Variants in SHISA3 observed in about 807,000 individuals in gnomAD.
SHISA3 encodes protein shisa-3 homolog.
Under a neutral mutation model 19.2 loss-of-function variants are expected in SHISA3, and 15 were observed. That is an observed-to-expected ratio of 0.78 (90% CI 0.52 to 1.20). The LOEUF (loss-of-function observed/expected upper bound fraction) is 1.20. Ranked by LOEUF, SHISA3 falls within the 50% of genes most tolerant of loss-of-function variation. The pLI, the probability that SHISA3 is intolerant of heterozygous loss-of-function variation, is 0.00. For missense variants in SHISA3, 327 were observed against 315.7 expected (o/e 1.04, Z -0.27); for synonymous variants, 145 against 135.2 (o/e 1.07, Z -0.50).
rs886776701 is a variant in SHISA3, at chr4:42,398,458, C to T, written c.277+125C>T. The T allele has an allele frequency of 1.6e-5, 17 of 1,080,546 alleles. No homozygotes were observed. In the African/African-American group the frequency reaches 2.1e-4, roughly 13 times the overall value. The allele number at this position is 1,080,546 out of a possible 1,614,324, so 66.9% of individuals were successfully genotyped here. On this transcript the variant is annotated intron_variant, in intron 1 of 1. Transcript: ENST00000319234. ...TTCCTGGGTCTGTGCGCCAGGGGGA[C>T]GCGGCCGGGTGGGGGAATCAAGGGA...
Position 42,398,286 on chromosome 4 carries a change from G to A in SHISA3, c.230G>A (p.Gly77Asp). The A allele has an allele frequency of 6.4e-7, 1 of 1,564,742 alleles. No individual in the cohort carries two copies. The change falls in exon 1 of 2, where the codon GGC becomes GAC. Residue 77 changes from glycine (G) to aspartate (D), a missense_variant. Gly to Asp is a moderately conservative substitution (Grantham distance 94, BLOSUM62 -1). Transcript: ENST00000319234. The part of the protein sequence containing the change: ...AAADARLEQG[G>D]CTNDRRELEH... ...GCCGACGCCAGGCTGGAGCAGGGCG[G>A]CTGCACCAACGACCGCCGCGAACTG...
At chr4:42,398,424 C>G in intron 1 of SHISA3, 91 bp downstream of exon 1, 1 of 1,325,988 alleles carries the variant, frequency 7.5e-7, no homozygotes, top group Non-Finnish European at 9.9e-7. Flanking sequence ...CCAGGCAGGT[C>G]TATGCGCCTT....
Position 42,401,270 on chromosome 4 carries a change from C to A in SHISA3, c.536C>A (p.Ser179Tyr), listed in dbSNP as rs267600159. 6.2e-7 allele frequency: 1 copy of A among 1,614,084 alleles called. No homozygotes were observed. Among genetic ancestry groups the A allele is most frequent in the African/African-American group, 1.3e-5 (1 of 74,942 alleles). Reference sequence around the variant, plus strand: ...ACAGGCGGCTCCATCCGCAGGTTCTCCTTTGCCAGGGCTGAGCCGGGCTGC... The same window carrying A: ...ACAGGCGGCTCCATCCGCAGGTTCTACTTTGCCAGGGCTGAGCCGGGCTGC... Reference protein sequence around the residue: ...SSTGGSIRRFSFARAEPGCLV... With the variant: ...SSTGGSIRRFYFARAEPGCLV... The change falls in exon 2 of 2, where the codon TCC (serine) becomes TAC (tyrosine). Residue 179 changes from serine to tyrosine, a missense_variant. By Grantham distance (144) the Ser-to-Tyr change is moderately radical. Coordinates refer to ENST00000319234, the MANE Select transcript of SHISA3 (RefSeq NM_001080505.3).
In SHISA3 at chr4:42,401,585, C is replaced by G. The variant is rs1451284894; in HGVS notation, c.*134C>G. The stretch of plus-strand genomic sequence containing the variant: ...CATGGAGGAGCATGCTAGGAAAACA[C>G]AGCACCTTCTAATTTGAAAGTTCCT... On this transcript the variant is annotated 3_prime_UTR_variant, in exon 2 of 2. Transcript: ENST00000319234. 1 of 914,044 alleles carries G rather than the reference C, an allele frequency of 1.1e-6. No individual in the cohort carries two copies. Among genetic ancestry groups the G allele is most frequent in the African/African-American group, 1.7e-5 (1 of 59,882 alleles). 56.6% of individuals were successfully genotyped at this position (914,044 alleles called of 1,614,324 possible).
Position 42,398,073 on chromosome 4 carries a change from C to G in SHISA3, c.17C>G (p.Ala6Gly), listed in dbSNP as rs761529553. MRALL[A>G]LCLLLGWLRW... Reference sequence around the variant, plus strand: ...CCAGTGGCGATGAGGGCACTGCTGGCGCTTTGCCTTCTCCTTGGCTGGCTG... The same window carrying G: ...CCAGTGGCGATGAGGGCACTGCTGGGGCTTTGCCTTCTCCTTGGCTGGCTG... Residue 6 changes from alanine (A) to glycine (G), a missense_variant, in exon 1 of 2, where the codon GCG becomes GGG. Physicochemically the swap from Ala to Gly is moderately conservative, Grantham distance 60 (BLOSUM62 0). Transcript: ENST00000319234. 2 of 1,596,188 alleles carry G rather than the reference C, an allele frequency of 1.3e-6. No homozygotes were observed. Among genetic ancestry groups the G allele is most frequent in the Non-Finnish European group, 1.7e-6 (2 of 1,172,350 alleles).
rs759607835 is a variant in SHISA3, at chr4:42,401,386, G to A, written c.652G>A (p.Ala218Thr). ...SGFLVSPQYF[A>T]YPLQQEPPLP... ...TTTCCTGGTGTCACCCCAGTATTTC[G>A]CTTACCCCCTCCAGCAGGAGCCCCC... Residue 218 changes from alanine to threonine, a missense_variant, in exon 2 of 2, where the codon GCT (alanine) becomes ACT (threonine). Ala to Thr is a moderately conservative substitution (Grantham distance 58). Transcript: ENST00000319234. 9 of 1,612,118 alleles carry A rather than the reference G, an allele frequency of 5.6e-6. No individual in the cohort carries two copies. Among genetic ancestry groups the A allele is most frequent in the South Asian group, 1.1e-5 (1 of 90,552 alleles).
rs1711779157 is a variant in SHISA3 at position 42,397,795 on chromosome 4, A to G, written c.-262A>G. 4.7e-6 allele frequency: 2 copies of G among 425,442 alleles called. No homozygotes were observed. Among genetic ancestry groups the G allele is most frequent in the South Asian group, 5.1e-5 (1 of 19,674 alleles). 26.4% of individuals were successfully genotyped at this position (425,442 alleles called of 1,614,324 possible). A position where few individuals can be genotyped will look rare whatever the true frequency, so the allele number is the denominator to read the frequency against. ...AAGGGCGGCAGCGACAGCCCCAGCAACTGCCTCTGCCGGCGCCTCCCGCAG... is the reference window on the plus strand; with the variant it reads ...AAGGGCGGCAGCGACAGCCCCAGCAGCTGCCTCTGCCGGCGCCTCCCGCAG... On this transcript the variant is annotated 5_prime_UTR_variant, in exon 1 of 2. Coordinates refer to ENST00000319234, the MANE Select transcript of SHISA3 (RefSeq NM_001080505.3).
chr4:42,400,359 TGA>T (rs1711871649), intron 1 of SHISA3, among the ~76,000 whole-genome samples: 1 of 152,162 alleles, frequency 6.6e-6, no homozygotes, highest in Non-Finnish European at 1.5e-5. Context: ...GGATGGGAAT[TGA>T]GAGGCACGGC....
At chr4:42,399,237 C>A (rs975248141) in intron 1 of SHISA3, among the ~76,000 whole-genome samples, 1 of 152,072 alleles carries the variant, frequency 6.6e-6, no homozygotes, top group East Asian at 1.9e-4. Context: ...AGGTCTGGAG[C>A]CCGCAAGAGA....
rs1711774435 is a variant in SHISA3 at position 42,397,728 on chromosome 4, G to A, written c.-329G>A. On this transcript the variant is annotated 5_prime_UTR_variant, in exon 1 of 2. Coordinates refer to ENST00000319234, the MANE Select transcript of SHISA3 (RefSeq NM_001080505.3). The stretch of plus-strand genomic sequence containing the variant: ...GGAGTGGGGAGGGAGGTGGCCGGGG[G>A]GTTGGCGCGCCCCTCGCGCGGGGAG... 3 of 305,242 alleles carry A rather than the reference G, an allele frequency of 9.8e-6. No homozygotes were observed. Among genetic ancestry groups the A allele is most frequent in the South Asian group, 1.5e-4 (2 of 13,182 alleles). 18.9% of individuals were successfully genotyped at this position (305,242 alleles called of 1,614,324 possible). A position where few individuals can be genotyped will look rare whatever the true frequency, so the allele number is the denominator to read the frequency against.
rs572433790 is a variant in SHISA3 at position 42,402,207 on chromosome 4, C to T, written c.*756C>T. On this transcript the variant is annotated 3_prime_UTR_variant, in exon 2 of 2. Coordinates refer to ENST00000319234, the MANE Select transcript of SHISA3 (RefSeq NM_001080505.3). ...ATTTAGTGTTTCAGTGAAAGTTGGA[C>T]AGTTGGGGCTTAAAACATTTATTTG... The T allele has an allele frequency of 6.6e-6, 1 of 152,252 alleles. No homozygotes were observed. The highest frequency in any genetic ancestry group is 1.9e-4 in the East Asian group (1 of 5,184). The allele number at this position is 152,252 out of a possible 1,614,324, so 9.4% of individuals were successfully genotyped here.
chr4:42,399,142 C>G (rs573335814), intron 1 of SHISA3, among the ~76,000 whole-genome samples: 6 of 152,288 alleles, frequency 3.9e-5, no homozygotes, highest in Admixed American at 2.0e-4. Context: ...CGCTTTAGAG[C>G]TTGAGGCGAG....
chr4:42,401,320 T>C lies in SHISA3; in HGVS notation c.586T>C (p.Tyr196His), dbSNP rs923976329. 1 of 1,614,208 alleles carries C rather than the reference T, an allele frequency of 6.2e-7. No homozygotes were observed. The highest frequency in any genetic ancestry group is 8.5e-7 in the Non-Finnish European group (1 of 1,180,044). ...GCLVPSPPPPYTTSHSIHLAQ... is the reference protein window; with the variant it reads ...GCLVPSPPPPHTTSHSIHLAQ... ...CCTGGTGCCCTCACCGCCCCCGCCA[T>C]ACACCACCAGCCACTCAATCCACCT... The change falls in exon 2 of 2, where the codon TAC (tyrosine) becomes CAC (histidine). Residue 196 changes from tyrosine to histidine, a missense_variant. By Grantham distance (83) the Tyr-to-His change is moderately conservative. Coordinates refer to ENST00000319234, the MANE Select transcript of SHISA3 (RefSeq NM_001080505.3).
Position 42,397,951 on chromosome 4 carries a change from C to A in SHISA3, c.-106C>A. 1 of 1,166,468 alleles carries A rather than the reference C, an allele frequency of 8.6e-7. No homozygotes were observed. Among genetic ancestry groups the A allele is most frequent in the South Asian group, 1.7e-5 (1 of 60,590 alleles). The allele number at this position is 1,166,468 out of a possible 1,614,324, so 72.3% of individuals were successfully genotyped here. A position where few individuals can be genotyped will look rare whatever the true frequency, so the allele number is the denominator to read the frequency against. The stretch of plus-strand genomic sequence containing the variant: ...TTCGGCCGCCGGGGCCAGCAGCTTG[C>A]GACGTGTCCCTGGGGAGGCGGAATC... On this transcript the variant is annotated 5_prime_UTR_variant, in exon 1 of 2. Coordinates refer to ENST00000319234, the MANE Select transcript of SHISA3 (RefSeq NM_001080505.3).
rs2153163306 is a variant in SHISA3, at chr4:42,401,587, G to A, written c.*136G>A. The stretch of plus-strand genomic sequence containing the variant: ...TGGAGGAGCATGCTAGGAAAACACA[G>A]CACCTTCTAATTTGAAAGTTCCTGT... On this transcript the variant is annotated 3_prime_UTR_variant, in exon 2 of 2. Transcript: ENST00000319234. 1 of 903,256 alleles carries A rather than the reference G, an allele frequency of 1.1e-6. No individual in the cohort carries two copies. The highest frequency in any genetic ancestry group is 1.6e-6 in the Non-Finnish European group (1 of 616,500). 56.0% of individuals were successfully genotyped at this position (903,256 alleles called of 1,614,324 possible). A position where few individuals can be genotyped will look rare whatever the true frequency, so the allele number is the denominator to read the frequency against.
Position 42,401,561 on chromosome 4 carries a change from A to T in SHISA3, c.*110A>T, listed in dbSNP as rs76362324. ...ATTTCCCTTGTAACTGATCAGTGTCATGGAGGAGCATGCTAGGAAAACACA... is the reference window on the plus strand; with the variant it reads ...ATTTCCCTTGTAACTGATCAGTGTCTTGGAGGAGCATGCTAGGAAAACACA... On this transcript the variant is annotated 3_prime_UTR_variant, in exon 2 of 2. Coordinates refer to ENST00000319234, the MANE Select transcript of SHISA3 (RefSeq NM_001080505.3). The T allele has an allele frequency of 0.033, 37,694 of 1,156,396 alleles. 875 individuals are homozygous for T. Among genetic ancestry groups the T allele is most frequent in the South Asian group, 0.09 (5,490 of 61,090 alleles). The allele number at this position is 1,156,396 out of a possible 1,614,324, so 71.6% of individuals were successfully genotyped here.
chr4:42,401,058 G>A lies in SHISA3; in HGVS notation c.324G>A (p.Ala108=). Reference sequence around the variant, plus strand: ...TCATCGTCGGCTCCATCTTCATTGCGTTCATCATCCTGGGCTCTGTAGTGG... The same window carrying A: ...TCATCGTCGGCTCCATCTTCATTGCATTCATCATCCTGGGCTCTGTAGTGG... ...PFLIVGSIFI[A]FIILGSVVAI... The change falls in exon 2 of 2, where the codon GCG becomes GCA. Residue 108 remains alanine, a synonymous_variant. Coordinates refer to ENST00000319234, the MANE Select transcript of SHISA3 (RefSeq NM_001080505.3). 9 of 1,614,080 alleles carry A rather than the reference G, an allele frequency of 5.6e-6. No homozygotes were observed. The highest frequency in any genetic ancestry group is 6.8e-6 in the Non-Finnish European group (8 of 1,180,014).
intron 1 of SHISA3, 102 bp downstream of exon 1, chr4:42,398,435 C>G: frequency 7.7e-7 from 1 of 1,302,124 alleles, no homozygotes; most frequent in Non-Finnish European, 1.0e-6. Flanking sequence ...TATGCGCCTT[C>G]CTGGGTCTGT....
rs1023736528 is a variant in SHISA3, at chr4:42,401,301, G to A, written c.567G>A (p.Val189=). 1.2e-5 allele frequency: 19 copies of A among 1,613,894 alleles called. No individual in the cohort carries two copies. Among genetic ancestry groups the A allele is most frequent in the Non-Finnish European group, 1.3e-5 (15 of 1,179,966 alleles). Residue 189 remains valine (V), a synonymous_variant, in exon 2 of 2, where the codon GTG becomes GTA. Coordinates refer to ENST00000319234, the MANE Select transcript of SHISA3 (RefSeq NM_001080505.3). ...CCAGGGCTGAGCCGGGCTGCCTGGT[G>A]CCCTCACCGCCCCCGCCATACACCA... ...SFARAEPGCL[V]PSPPPPYTTS...
Sources: gnomAD v4.1 joint callset for allele counts (sites outside exome capture counted in the v4.1 genomes callset) on GRCh38, gnomAD v4.1.1 for gene constraint, MANE v1.5 for transcripts, NCBI Gene and HGNC (gene_info 2026-07-23, HGNC 2026-07-21) for gene names.